Variants in MAP4K4 observed in about 807,000 individuals in gnomAD.
MAP4K4 encodes mitogen-activated protein kinase kinase kinase kinase 4.
Under a neutral mutation model 189.6 loss-of-function variants are expected in MAP4K4, and 38 were observed. The ratio of observed to expected loss-of-function variants is 0.20; its 90% CI spans 0.15 to 0.26. The LOEUF (loss-of-function observed/expected upper bound fraction) is 0.26. Among genes scored for constraint, MAP4K4 ranks in the 10% least tolerant of loss-of-function variants. The pLI, the probability that MAP4K4 is intolerant of heterozygous loss-of-function variation, is 1.00. For synonymous variants in MAP4K4, 610 were observed against 624.3 expected, an observed-to-expected ratio of 0.98 and a Z score of 0.34; for missense variants, 1,054 against 1,726.9, an observed-to-expected ratio of 0.61 and a Z score of 6.91.
intron 2 of MAP4K4, among the ~76,000 whole-genome samples, chr2:101,715,619 A>G (rs968797862): frequency 2.0e-5 from 3 of 152,200 alleles, no homozygotes; most frequent in African/African-American, 7.2e-5. Context: ...GCTCCAGTGA[A>G]CATTTAGTTT....
At chr2:101,739,582 T>G (rs2061757975) in intron 2 of MAP4K4, among the ~76,000 whole-genome samples, 1 of 152,184 alleles carries the variant, frequency 6.6e-6, no homozygotes, top group Non-Finnish European at 1.5e-5. Context: ...CTTATTGAAC[T>G]AGGGCTTATT....
intron 2 of MAP4K4, among the ~76,000 whole-genome samples, chr2:101,709,013 T>G (rs868425449): frequency 1.1e-4 from 17 of 152,292 alleles, no homozygotes; most frequent in Admixed American, 2.0e-4. Flanking sequence ...GAACTGCACC[T>G]TAAGTCATCC....
At chr2:101,749,110 A>G (rs2067191204) in intron 2 of MAP4K4, among the ~76,000 whole-genome samples, 1 of 149,762 alleles carries the variant, frequency 6.7e-6, no homozygotes, top group Non-Finnish European at 1.5e-5. Context: ...ATTCAATGCC[A>G]TCCCCATCAA....
intron 3 of MAP4K4, among the ~76,000 whole-genome samples, chr2:101,817,916 C>T (rs1318049696): frequency 2.6e-5 from 4 of 152,072 alleles, no homozygotes; most frequent in African/African-American, 9.7e-5. Flanking sequence ...TTTTAAGGAA[C>T]ATGTAATTTC....
At position 101,856,574 on chromosome 2, in the gene MAP4K4, A is replaced by G. The variant is rs532150977; in HGVS notation, c.1395+436A>G. Among the ~76,000 whole-genome samples the G allele has an allele frequency of 3.9e-5, 6 of 152,336 alleles. No homozygotes were observed. In the East Asian group the frequency reaches 5.8e-4, roughly 15 times the overall value. ...CCAGTGGCTAAGTGAATACTGTAAT[A>G]TATATCAGCATGTAATTCTGTATAT... is the stretch of plus-strand genomic sequence containing the variant. On this transcript the variant is annotated intron_variant, in intron 13 of 32. Transcript: ENST00000324219.
At chr2:101,804,691 G>T (rs2094733727) in intron 3 of MAP4K4, among the ~76,000 whole-genome samples, 1 of 152,184 alleles carries the variant, frequency 6.6e-6, no homozygotes, top group Admixed American at 6.5e-5. Context: ...TGGGAAACCA[G>T]TTCTCGAGGG....
chr2:101,725,102 G>C (rs890517927), intron 2 of MAP4K4, among the ~76,000 whole-genome samples: 6 of 152,148 alleles, frequency 3.9e-5, no homozygotes, highest in African/African-American at 1.4e-4. Context: ...GGATGACATT[G>C]CCTTTCACAG....
At chr2:101,850,615 T>C (rs956677332) in intron 12 of MAP4K4, among the ~76,000 whole-genome samples, 1 of 152,202 alleles carries the variant, frequency 6.6e-6, no homozygotes, top group Non-Finnish European at 1.5e-5. Flanking sequence ...AGTTCCAGCT[T>C]TAATACACAC....
rs1409466194 is a variant in MAP4K4, at chr2:101,754,770, C to A, written c.124-35950C>A. Among the ~76,000 whole-genome samples the A allele has an allele frequency of 2.6e-5, 4 of 152,188 alleles. No homozygotes were observed. The East Asian group carries it at 7.7e-4, about 29-fold the overall frequency. On this transcript the variant is annotated intron_variant, in intron 2 of 32. Coordinates refer to ENST00000324219, the Ensembl canonical transcript of MAP4K4. ...TACTGGCTGTCAATAAAAGAAATGCCAACTCCTCAGTCCTCAGCAGCTCCA... is the reference window on the plus strand; with the variant it reads ...TACTGGCTGTCAATAAAAGAAATGCAAACTCCTCAGTCCTCAGCAGCTCCA...
chr2:101,814,364 C>T (rs1263400851), intron 3 of MAP4K4, among the ~76,000 whole-genome samples: 1 of 152,152 alleles, frequency 6.6e-6, no homozygotes, highest in East Asian at 1.9e-4. Context: ...TGGAAAGCAT[C>T]TTTGAATTCT....
intron 2 of MAP4K4, among the ~76,000 whole-genome samples, chr2:101,730,482 C>T (rs1333808566): frequency 3.3e-5 from 5 of 152,174 alleles, no homozygotes; most frequent in Non-Finnish European, 7.4e-5. Flanking sequence ...GGCAGAGACA[C>T]CCGTGTTTAA....
chr2:101,851,354 C>T (rs2108196), intron 12 of MAP4K4, among the ~76,000 whole-genome samples: 22,132 of 152,118 alleles, frequency 0.15, 1,723 homozygotes, highest in South Asian at 0.2. Context: ...TCATGTTTAT[C>T]ATTCTTAGTT....
intron 24 of MAP4K4, among the ~76,000 whole-genome samples, chr2:101,872,220 C>G (rs1293670776): frequency 6.6e-6 from 1 of 151,752 alleles, no homozygotes; most frequent in Non-Finnish European, 1.5e-5. Flanking sequence ...TTGTTTTCAC[C>G]AACCCTGTTA....
At chr2:101,780,104 G>T (rs914928429) in intron 2 of MAP4K4, among the ~76,000 whole-genome samples, 1 of 152,164 alleles carries the variant, frequency 6.6e-6, no homozygotes, top group Non-Finnish European at 1.5e-5. Flanking sequence ...GTACATATAC[G>T]TAGGTTCACG....
At chr2:101,851,610 G>T (rs2097285399) in intron 12 of MAP4K4, among the ~76,000 whole-genome samples, 1 of 151,932 alleles carries the variant, frequency 6.6e-6, no homozygotes, top group Non-Finnish European at 1.5e-5. Flanking sequence ...CAAATTGAGG[G>T]CCTATTCTGA....
chr2:101,868,829 T>C, intron 21 of MAP4K4, among the ~76,000 whole-genome samples: 1 of 152,128 alleles, frequency 6.6e-6, no homozygotes, highest in Non-Finnish European at 1.5e-5. Flanking sequence ...TTCATTTTAA[T>C]GTAGGTTTGA....
At chr2:101,755,980 G>A (rs1181640443) in intron 2 of MAP4K4, among the ~76,000 whole-genome samples, 45 of 113,038 alleles carry the variant, frequency 4.0e-4, no homozygotes, top group East Asian at 1.2e-3. Flanking sequence ...TTGCCCTGTC[G>A]CCCAGGCTGG....
chr2:101,796,794 G>GTA (rs2093742213), intron 3 of MAP4K4, among the ~76,000 whole-genome samples: 1 of 152,190 alleles, frequency 6.6e-6, no homozygotes, highest in Admixed American at 6.5e-5. Context: ...GGAAGAGCCA[G>GTA]TATACTGGAA....
intron 2 of MAP4K4, among the ~76,000 whole-genome samples, chr2:101,730,372 T>C (rs1330640782): frequency 6.6e-6 from 1 of 152,160 alleles, no homozygotes; most frequent in Non-Finnish European, 1.5e-5. Context: ...CCTTCTGTCT[T>C]GCCCCGCTCT....
Sources: gnomAD v4.1 joint callset for allele counts (sites outside exome capture counted in the v4.1 genomes callset) on GRCh38, gnomAD v4.1.1 for gene constraint, MANE v1.5 for transcripts, NCBI Gene and HGNC (gene_info 2026-07-23, HGNC 2026-07-21) for gene names.